The following NRG1 variants were observed in gnomAD, a reference collection of about 807,000 sequenced individuals.
The protein encoded by NRG1 is pro-neuregulin-1, membrane-bound isoform.
Under a neutral mutation model 63.8 loss-of-function variants are expected in NRG1, and 18 were observed. That is an observed-to-expected ratio of 0.28 (90% CI 0.19 to 0.42). The LOEUF is 0.42. NRG1 is among the 10% of genes least tolerant of loss of function. The probability of loss-of-function intolerance (pLI) is 1.00; values close to 1 mark genes in which losing one functional copy is unlikely to be tolerated. For synonymous variants in NRG1, 302 were observed against 301.3 expected (o/e 1.00, Z -0.02); for missense variants, 762 against 814.7 (o/e 0.94, Z 0.79).
chr8:31,906,679 C>A (rs1832544665), intron 1 of NRG1, among the ~76,000 whole-genome samples: 2 of 152,092 alleles, frequency 1.3e-5, no homozygotes. Flanking sequence ...ACAAAATAAT[C>A]ATTCACCATC....
chr8:31,938,303 CA>C (rs555131191), intron 1 of NRG1, among the ~76,000 whole-genome samples: 1 of 152,094 alleles, frequency 6.6e-6, no homozygotes, highest in African/African-American at 2.4e-5. Context: ...CCCAGAAGAG[CA>C]AAAACAATCC....
chr8:31,761,308 G>A (rs1339098718), intron 1 of NRG1, among the ~76,000 whole-genome samples: 1 of 152,046 alleles, frequency 6.6e-6, no homozygotes, highest in Admixed American at 6.6e-5. Flanking sequence ...GTTGTGGGGT[G>A]AGGGGAGTGG....
At chr8:32,597,970 T>A (rs1563736698) in intron 2 of NRG1, among the ~76,000 whole-genome samples, 1 of 152,180 alleles carries the variant, frequency 6.6e-6, no homozygotes, top group Non-Finnish European at 1.5e-5. Context: ...TGGTGTTTGC[T>A]TTTCATCAGA....
At chr8:32,078,340 C>A (rs190651548) in intron 1 of NRG1, among the ~76,000 whole-genome samples, 1 of 152,328 alleles carries the variant, frequency 6.6e-6, no homozygotes, top group Admixed American at 6.5e-5. Context: ...CACCTTCCAG[C>A]ATGATTGCAA....
At chr8:32,006,183 T>G (rs1211254323) in intron 1 of NRG1, among the ~76,000 whole-genome samples, 1 of 152,048 alleles carries the variant, frequency 6.6e-6, no homozygotes, top group Non-Finnish European at 1.5e-5. Flanking sequence ...TGTTTTTGGT[T>G]GTGTGGACAT....
chr8:31,712,100 A>T, intron 1 of NRG1, among the ~76,000 whole-genome samples: 2 of 149,596 alleles, frequency 1.3e-5, no homozygotes, highest in Admixed American at 6.6e-5. Context: ...TTTTCATTTT[A>T]TTTTGTTCTC....
At chr8:32,514,428 T>C (rs1305810296) in intron 1 of NRG1, among the ~76,000 whole-genome samples, 1 of 152,200 alleles carries the variant, frequency 6.6e-6, no homozygotes, top group Non-Finnish European at 1.5e-5. Flanking sequence ...GCTTCATGCT[T>C]GAAAACTTTG....
At chr8:32,024,744 T>C (rs1440343939) in intron 1 of NRG1, among the ~76,000 whole-genome samples, 1 of 152,214 alleles carries the variant, frequency 6.6e-6, no homozygotes, top group Non-Finnish European at 1.5e-5. Flanking sequence ...AAGTAAAATA[T>C]TCTTTAATTA....
chr8:32,015,588 A>G (rs947331581), intron 1 of NRG1, among the ~76,000 whole-genome samples: 2 of 152,048 alleles, frequency 1.3e-5, no homozygotes, highest in Non-Finnish European at 2.9e-5. Context: ...TGGTAGTGCA[A>G]CCCCCAACCT....
At chr8:31,906,772 T>A (rs1423861420) in intron 1 of NRG1, among the ~76,000 whole-genome samples, 1 of 152,080 alleles carries the variant, frequency 6.6e-6, no homozygotes, top group East Asian at 1.9e-4. Context: ...GCCGTGTTTT[T>A]AAAAAATCAC....
chr8:32,590,977 G>C (rs67832854), intron 1 of NRG1, among the ~76,000 whole-genome samples: 39,151 of 152,042 alleles, frequency 0.26, 5,174 homozygotes, highest in South Asian at 0.33. Flanking sequence ...CTGTGTCCTT[G>C]ATACTTGAAT....
intron 1 of NRG1, among the ~76,000 whole-genome samples, chr8:32,192,732 A>G (rs976162803): frequency 2.0e-5 from 3 of 152,122 alleles, no homozygotes; most frequent in Admixed American, 2.0e-4. Flanking sequence ...ATGAATCTAG[A>G]ATTAAACTTG....
chr8:32,722,860 T>C (rs1388687129), intron 5 of NRG1, among the ~76,000 whole-genome samples: 1 of 152,186 alleles, frequency 6.6e-6, no homozygotes, highest in East Asian at 1.9e-4. Context: ...TTTTGACAAG[T>C]AGTTTTGATA....
intron 1 of NRG1, among the ~76,000 whole-genome samples, chr8:32,254,183 A>G (rs1312910442): frequency 1.3e-5 from 2 of 151,854 alleles, no homozygotes; most frequent in Non-Finnish European, 2.9e-5. Flanking sequence ...TCATGTCTCT[A>G]TCTCCTTCCG....
At chr8:32,231,596 A>G (rs1474313469) in intron 1 of NRG1, among the ~76,000 whole-genome samples, 1 of 152,066 alleles carries the variant, frequency 6.6e-6, no homozygotes. Context: ...GTAATATGGC[A>G]CTTTAAATTA....
intron 5 of NRG1, chr8:32,647,661 G>GA: frequency 6.7e-7 from 1 of 1,500,176 alleles, no homozygotes; most frequent in Non-Finnish European, 8.9e-7. Flanking sequence ...GGTTGGGGGG[G>GA]CCTCTGCGTG....
intron 1 of NRG1, among the ~76,000 whole-genome samples, chr8:32,523,317 A>G (rs1830511710): frequency 6.6e-6 from 1 of 152,228 alleles, no homozygotes; most frequent in South Asian, 2.1e-4. Context: ...CTATGAAGCA[A>G]GACATTAAAG....
chr8:31,682,126 A>G (rs547542897), intron 1 of NRG1, among the ~76,000 whole-genome samples: 1 of 152,258 alleles, frequency 6.6e-6, no homozygotes, highest in East Asian at 1.9e-4. Flanking sequence ...TCTTCCCACT[A>G]AAACCTGGCA....
intron 1 of NRG1, among the ~76,000 whole-genome samples, chr8:32,079,683 A>T (rs976826112): frequency 6.6e-6 from 1 of 152,214 alleles, no homozygotes; most frequent in Non-Finnish European, 1.5e-5. Context: ...TGGTGCTTAC[A>T]TCTAGGATGA....
Sources: allele counts gnomAD v4.1 joint callset (sites outside exome capture counted in the v4.1 genomes callset), GRCh38; gene constraint gnomAD v4.1.1; transcripts MANE v1.5; gene names NCBI Gene and HGNC (gene_info 2026-07-23, HGNC 2026-07-21).